The following ANKS1B variants were observed in gnomAD, a reference collection of about 807,000 sequenced individuals.
ANKS1B encodes ankyrin repeat and sterile alpha motif domain-containing protein 1B.
In ANKS1B, 36 loss-of-function variants were observed where a neutral mutation model predicts 148.3. The observed-to-expected ratio is 0.24, with a 90% CI of 0.19 to 0.32. The LOEUF (loss-of-function observed/expected upper bound fraction) is 0.32. Ranked by LOEUF, ANKS1B falls within the 10% of genes least tolerant of loss-of-function variation. The pLI, the probability that ANKS1B is intolerant of heterozygous loss-of-function variation, is 1.00. For missense variants in ANKS1B, 1,157 were observed against 1,542.6 expected, an observed-to-expected ratio of 0.75 and a Z score of 4.19; for synonymous variants, 542 against 560.8, an observed-to-expected ratio of 0.97 and a Z score of 0.47.
intron 17 of ANKS1B, among the ~76,000 whole-genome samples, chr12:98,946,737 A>G (rs2099846014): frequency 6.6e-6 from 1 of 151,930 alleles, no homozygotes; most frequent in South Asian, 2.1e-4. Context: ...GGAGTTCAAG[A>G]CCAGCCTGGG....
At chr12:99,154,198 G>T (rs1487780335) in intron 15 of ANKS1B, 91 bp downstream of exon 15, 3 of 1,495,722 alleles carry the variant, frequency 2.0e-6, no homozygotes, top group Non-Finnish European at 2.7e-6. Flanking sequence ...GACCAGTTTT[G>T]GTGCAAATCA....
chr12:99,939,672 G>A (rs868201274), intron 1 of ANKS1B, among the ~76,000 whole-genome samples: 1 of 152,196 alleles, frequency 6.6e-6, no homozygotes, highest in East Asian at 1.9e-4. Flanking sequence ...AAATGACAAG[G>A]TTTCTCTTTT....
chr12:99,864,010 G>A (rs917880053), intron 1 of ANKS1B, among the ~76,000 whole-genome samples: 9 of 143,566 alleles, frequency 6.3e-5, no homozygotes, highest in Non-Finnish European at 1.4e-4. Context: ...CAGAGGTTGA[G>A]TTGGAGGTTG....
chr12:99,147,109 A>G (rs1280050308), intron 15 of ANKS1B, among the ~76,000 whole-genome samples: 3 of 152,118 alleles, frequency 2.0e-5, no homozygotes, highest in Non-Finnish European at 4.4e-5. Context: ...TAGTGTTTAT[A>G]TATGGCAGAA....
At chr12:99,865,366 C>T (rs927784480) in intron 1 of ANKS1B, among the ~76,000 whole-genome samples, 2 of 152,114 alleles carry the variant, frequency 1.3e-5, no homozygotes, top group African/African-American at 4.8e-5. Flanking sequence ...CGTAACTGCC[C>T]GTAATCCAAG....
rs2099586308 is a variant in ANKS1B, at chr12:98,859,131, G to T, written c.2779-26995C>A. 3.3e-5 allele frequency among the ~76,000 whole-genome samples: 5 copies of T among 152,334 alleles called. No homozygotes were observed. In the South Asian group the frequency reaches 1.0e-3, roughly 32 times the overall value. ...CCAGTTTGATTCCCGAATCACACAA[G>T]TGCTGGGTTCCAGAAGAGATTTTGG... On this transcript the variant is annotated intron_variant, in intron 17 of 26. Coordinates refer to ENST00000683438, the MANE Select transcript of ANKS1B (RefSeq NM_001352186.2).
intron 9 of ANKS1B, among the ~76,000 whole-genome samples, chr12:99,560,155 T>C (rs1052348924): frequency 1.3e-5 from 2 of 152,142 alleles, no homozygotes; most frequent in African/African-American, 2.4e-5. Context: ...TTTAATTCAC[T>C]GCTTTCTGAA....
chr12:99,030,272 G>A (rs2099951213), intron 17 of ANKS1B, among the ~76,000 whole-genome samples: 1 of 152,158 alleles, frequency 6.6e-6, no homozygotes, highest in Non-Finnish European at 1.5e-5. Flanking sequence ...ATTGTAGGGG[G>A]AAATAGGTGC....
At chr12:99,929,784 G>C (rs926559997) in intron 1 of ANKS1B, among the ~76,000 whole-genome samples, 24 of 151,980 alleles carry the variant, frequency 1.6e-4, no homozygotes, top group African/African-American at 5.8e-4. Flanking sequence ...TTTTTCTCAG[G>C]TTTGTCAAAG....
chr12:98,946,137 G>A (rs894801380), intron 17 of ANKS1B, among the ~76,000 whole-genome samples: 1 of 152,202 alleles, frequency 6.6e-6, no homozygotes, highest in Non-Finnish European at 1.5e-5. Context: ...TTGATTCGAT[G>A]CTAGCAGAAG....
intron 9 of ANKS1B, among the ~76,000 whole-genome samples, chr12:99,573,340 A>G (rs1567382471): frequency 6.6e-6 from 1 of 152,148 alleles, no homozygotes; most frequent in Non-Finnish European, 1.5e-5. Context: ...TTATAAAAAT[A>G]TCTAGACATA....
intron 14 of ANKS1B, among the ~76,000 whole-genome samples, chr12:99,216,848 G>A (rs1478625519): frequency 6.6e-6 from 1 of 152,210 alleles, no homozygotes; most frequent in Admixed American, 6.5e-5. Flanking sequence ...TTGCAGCTTG[G>A]CGTGGCCGTG....
chr12:99,276,749 A>T (rs191274739), intron 12 of ANKS1B, among the ~76,000 whole-genome samples: 1 of 152,342 alleles, frequency 6.6e-6, no homozygotes, highest in East Asian at 1.9e-4. Context: ...TCAGACATTT[A>T]AAAAACATCA....
chr12:99,145,641 T>C (rs1297267642), intron 15 of ANKS1B, among the ~76,000 whole-genome samples: 1 of 151,988 alleles, frequency 6.6e-6, no homozygotes, highest in Non-Finnish European at 1.5e-5. Context: ...TAAGATAAAG[T>C]CTCTCAAAGG....
At chr12:99,457,126 T>A (rs2095859641) in intron 10 of ANKS1B, among the ~76,000 whole-genome samples, 1 of 152,022 alleles carries the variant, frequency 6.6e-6, no homozygotes, top group Non-Finnish European at 1.5e-5. Context: ...AATAAAACAA[T>A]TATCAGCCAA....
intron 16 of ANKS1B, among the ~76,000 whole-genome samples, chr12:99,071,655 T>G (rs1196340844): frequency 1.3e-5 from 2 of 152,010 alleles, no homozygotes; most frequent in Non-Finnish European, 2.9e-5. Flanking sequence ...TTTTTTTTTT[T>G]TTTGTTTTTT....
chr12:99,033,798 C>T (rs2099953819), intron 17 of ANKS1B, among the ~76,000 whole-genome samples: 1 of 152,224 alleles, frequency 6.6e-6, no homozygotes, highest in East Asian at 1.9e-4. Flanking sequence ...CTTCAGATTA[C>T]ACCCTTTACA....
rs147372218 is a variant in ANKS1B, at chr12:99,305,786, T to C, written c.1757-58922A>G. Among the ~76,000 whole-genome samples the C allele has an allele frequency of 6.2e-3, 948 of 152,212 alleles. 7 individuals are homozygous for C. Among genetic ancestry groups the C allele is most frequent in the African/African-American group, 0.022 (915 of 41,538 alleles). ...GGAAGGCATCTTTAAAATCACCTGG[T>C]TCTATACTTCATTAAAGGCTTGAAT... On this transcript the variant is annotated intron_variant, in intron 12 of 26. Transcript: ENST00000683438.
At chr12:98,842,348 T>C (rs1160747221) in intron 17 of ANKS1B, among the ~76,000 whole-genome samples, 2 of 152,198 alleles carry the variant, frequency 1.3e-5, no homozygotes, top group African/African-American at 2.4e-5. Context: ...TATTGTAGGA[T>C]TCCATTTACA....
Sources: gnomAD v4.1 joint callset for allele counts (sites outside exome capture counted in the v4.1 genomes callset) on GRCh38, gnomAD v4.1.1 for gene constraint, MANE v1.5 for transcripts, NCBI Gene and HGNC (gene_info 2026-07-23, HGNC 2026-07-21) for gene names.